DOCK11: variants seen among roughly 807,000 people sequenced by gnomAD.
DOCK11 encodes dedicator of cytokinesis protein 11.
DOCK11 carries 70 observed loss-of-function variants against 169.1 expected under a neutral mutation model. The ratio of observed to expected loss-of-function variants is 0.41; its 90% CI spans 0.34 to 0.51. The LOEUF (loss-of-function observed/expected upper bound fraction) is 0.51, where lower values mean the gene tolerates loss of function less well. Among genes scored for constraint, DOCK11 ranks in the 20% least tolerant of loss-of-function variants. The probability of loss-of-function intolerance (pLI) is 0.10; values close to 1 mark genes in which losing one functional copy is unlikely to be tolerated. For synonymous variants in DOCK11, 529 were observed against 541.3 expected (o/e 0.98, Z 0.32); for missense variants, 1,166 against 1,538.8 (o/e 0.76, Z 4.05).
chrX:118,594,036 A>T (rs1453382371), intron 20 of DOCK11, among the ~76,000 whole-genome samples: 1 of 111,656 alleles, frequency 9.0e-6, no homozygotes, highest in African/African-American at 3.3e-5. Context: ...CTCACTGAGG[A>T]AGAGGGAAGT....
intron 6 of DOCK11, among the ~76,000 whole-genome samples, chrX:118,556,247 G>T (rs1356039042): frequency 9.4e-6 from 1 of 106,580 alleles, no homozygotes; most frequent in Admixed American, 1.0e-4. Flanking sequence ...GTTTCACCAT[G>T]TTGGCCAGGC....
chrX:118,608,171 A>G (rs1603113884), intron 25 of DOCK11, 30 bp downstream of exon 25: 1 of 1,193,122 alleles, frequency 8.4e-7, no homozygotes, highest in Non-Finnish European at 1.1e-6. Context: ...TTTCTGAGCA[A>G]TTTGTTTTAT....
At chrX:118,640,847 G>A (rs1301783458) in intron 38 of DOCK11, among the ~76,000 whole-genome samples, 4 of 112,051 alleles carry the variant, frequency 3.6e-5, no homozygotes, top group Non-Finnish European at 5.6e-5. Context: ...AGGTTGGAGT[G>A]CAGTGACGTG....
At chrX:118,593,898 G>A (rs1179443487) in intron 20 of DOCK11, among the ~76,000 whole-genome samples, 2 of 112,149 alleles carry the variant, frequency 1.8e-5, no homozygotes, top group Non-Finnish European at 3.8e-5. Context: ...GCTTGCCAAT[G>A]TGCTTAGACT....
chrX:118,681,026 A>G lies in DOCK11; in HGVS notation c.5672-32A>G, dbSNP rs749022915. The G allele has an allele frequency of 7.3e-6, 8 of 1,102,055 alleles. No homozygotes were observed. In the African/African-American group the frequency reaches 1.1e-4, roughly 15 times the overall value. 90.8% of individuals were successfully genotyped at this position (1,102,055 alleles called of 1,213,427 possible). A position where few individuals can be genotyped will look rare whatever the true frequency, so the allele number is the denominator to read the frequency against. On this transcript the variant is annotated intron_variant, in intron 49 of 52. Transcript: ENST00000276202. ...GGCTGTTTGAACAAATGATTTTCTAAAGTCAGTAAATCAATCTTAACATTT... is the reference window on the plus strand; with the variant it reads ...GGCTGTTTGAACAAATGATTTTCTAGAGTCAGTAAATCAATCTTAACATTT...
At chrX:118,644,582 A>G (rs761190653) in intron 40 of DOCK11, among the ~76,000 whole-genome samples, 6 of 112,080 alleles carry the variant, frequency 5.4e-5, no homozygotes, top group Admixed American at 9.5e-5. Context: ...GGAGGCACAC[A>G]CACATCAAGA....
chrX:118,552,171 G>A (rs988007546), intron 6 of DOCK11, among the ~76,000 whole-genome samples: 6 of 111,863 alleles, frequency 5.4e-5, no homozygotes, highest in Non-Finnish European at 9.4e-5. Flanking sequence ...GTTGATAAAA[G>A]GGAATTAGAA....
intron 15 of DOCK11, 46 bp downstream of exon 15, chrX:118,584,903 C>A: frequency 6.9e-6 from 8 of 1,163,880 alleles, no homozygotes; most frequent in Non-Finnish European, 9.2e-6. Context: ...ATAGATGAAT[C>A]CTCAGTTTTT....
intron 1 of DOCK11, among the ~76,000 whole-genome samples, chrX:118,513,948 G>A (rs1253782750): frequency 9.0e-6 from 1 of 110,766 alleles, no homozygotes; most frequent in African/African-American, 3.3e-5. Context: ...GCCCCCTCTT[G>A]GAGAAATAAT....
At chrX:118,616,559 T>G (rs1287168) in intron 30 of DOCK11, among the ~76,000 whole-genome samples, 27,740 of 109,262 alleles carry the variant, frequency 0.25, 2,687 homozygotes, top group East Asian at 0.38. Context: ...TGTTTTTTTT[T>G]TGTGTGTGTC....
chrX:118,566,590 C>T lies in DOCK11; in HGVS notation c.888C>T (p.Ser296=), dbSNP rs1224315662. The T allele has an allele frequency of 1.7e-6, 2 of 1,210,545 alleles. No homozygotes were observed. The highest frequency in any genetic ancestry group is 3.0e-5 in the East Asian group (1 of 33,799). ...AATTTGCAGATGATGAAACTAGCAG[C>T]CAAGGAAAAGCCGAGAACATCATGG... ...VETAQDDETS[S]QGKAENIMAS... is the part of the protein sequence containing the mutation. Residue 296 remains serine, a synonymous_variant, in exon 9 of 53, where the codon AGC becomes AGT. Coordinates refer to ENST00000276202, the MANE Select transcript of DOCK11 (RefSeq NM_144658.4).
intron 11 of DOCK11, 63 bp from the exon 12 acceptor site, chrX:118,573,743 G>GC: frequency 6.4e-6 from 6 of 943,203 alleles, no homozygotes; most frequent in Non-Finnish European, 7.4e-6. Context: ...TTGCACTTGT[G>GC]CCCCTCCCCG....
intron 1 of DOCK11, among the ~76,000 whole-genome samples, chrX:118,522,157 A>G (rs774322491): frequency 9.0e-6 from 1 of 111,030 alleles, no homozygotes; most frequent in East Asian, 2.8e-4. Flanking sequence ...CGTCTCTACT[A>G]AAAATACAAA....
intron 14 of DOCK11, among the ~76,000 whole-genome samples, chrX:118,583,175 A>G (rs774976187): frequency 9.0e-6 from 1 of 111,425 alleles, no homozygotes; most frequent in Admixed American, 9.5e-5. Flanking sequence ...AACTAACACA[A>G]AAACAGAAAA....
intron 14 of DOCK11, among the ~76,000 whole-genome samples, chrX:118,580,417 A>G (rs1315318546): frequency 8.9e-6 from 1 of 111,819 alleles, no homozygotes; most frequent in Admixed American, 9.5e-5. Context: ...CTTGGGTTCA[A>G]GCGATTCTCC....
intron 52 of DOCK11, among the ~76,000 whole-genome samples, chrX:118,683,984 G>C (rs901800115): frequency 8.9e-6 from 1 of 111,747 alleles, no homozygotes; most frequent in African/African-American, 3.3e-5. Flanking sequence ...AAACATATTT[G>C]GGTGTGCCTT....
chrX:118,518,912 A>G (rs1401480062), intron 1 of DOCK11, among the ~76,000 whole-genome samples: 1 of 111,715 alleles, frequency 9.0e-6, no homozygotes, highest in Non-Finnish European at 1.9e-5. Flanking sequence ...TTTCTGCTTA[A>G]TTTTGCTGGG....
At chrX:118,644,872 G>T (rs1440136956) in intron 40 of DOCK11, among the ~76,000 whole-genome samples, 1 of 111,727 alleles carries the variant, frequency 9.0e-6, no homozygotes, top group Non-Finnish European at 1.9e-5. Context: ...GAGGGAATTG[G>T]TAAGGACTGG....
At chrX:118,506,693 G>A (rs939337127) in intron 1 of DOCK11, among the ~76,000 whole-genome samples, 1 of 112,002 alleles carries the variant, frequency 8.9e-6, no homozygotes, top group Non-Finnish European at 1.9e-5. Flanking sequence ...GGAAACATAC[G>A]TTTTAATAGG....
Sources: gnomAD v4.1 joint callset for allele counts (sites outside exome capture counted in the v4.1 genomes callset) on GRCh38, gnomAD v4.1.1 for gene constraint, MANE v1.5 for transcripts, NCBI Gene and HGNC (gene_info 2026-07-23, HGNC 2026-07-21) for gene names.